CCDC60: variants seen among roughly 807,000 people sequenced by gnomAD.
The protein encoded by CCDC60 is coiled-coil domain-containing protein 60.
Under a neutral mutation model 63.5 loss-of-function variants are expected in CCDC60, and 54 were observed. The observed-to-expected ratio is 0.85, with a 90% CI of 0.68 to 1.07. The LOEUF is 1.07. CCDC60 is among the 50% of genes least tolerant of loss of function. The pLI, the probability that CCDC60 is intolerant of heterozygous loss-of-function variation, is 0.00. For missense variants in CCDC60, 651 were observed against 684.3 expected, an observed-to-expected ratio of 0.95 and a Z score of 0.54; for synonymous variants, 206 against 238.8, an observed-to-expected ratio of 0.86 and a Z score of 1.27.
chr12:119,377,412 T>C (rs1239940315), intron 1 of CCDC60, among the ~76,000 whole-genome samples: 1 of 152,176 alleles, frequency 6.6e-6, no homozygotes, highest in Non-Finnish European at 1.5e-5. Context: ...TAATCAGTTC[T>C]GTTTTCTTTT....
intron 1 of CCDC60, among the ~76,000 whole-genome samples, chr12:119,395,041 A>G (rs996718341): frequency 6.6e-6 from 1 of 152,224 alleles, no homozygotes; most frequent in Non-Finnish European, 1.5e-5. Flanking sequence ...CAAGTGAGAG[A>G]AGAGAGAAAC....
intron 5 of CCDC60, 30 bp from the exon 6 acceptor site, chr12:119,500,048 G>A (rs1189226539): frequency 6.1e-6 from 9 of 1,465,794 alleles, no homozygotes; most frequent in South Asian, 3.4e-5. Flanking sequence ...CTCTGGAAAC[G>A]GAAAACTCAT....
chr12:119,351,750 G>A (rs1044775080), intron 1 of CCDC60, among the ~76,000 whole-genome samples: 1 of 152,192 alleles, frequency 6.6e-6, no homozygotes, highest in African/African-American at 2.4e-5. Flanking sequence ...GACCACCTCA[G>A]CCTGGACTTC....
At chr12:119,399,807 C>T (rs868707057) in intron 1 of CCDC60, among the ~76,000 whole-genome samples, 1 of 152,142 alleles carries the variant, frequency 6.6e-6, no homozygotes, top group African/African-American at 2.4e-5. Context: ...TTCAGTGTGG[C>T]CAGAGTAGGA....
At chr12:119,401,071 C>A (rs991350184) in intron 1 of CCDC60, among the ~76,000 whole-genome samples, 1 of 152,194 alleles carries the variant, frequency 6.6e-6, no homozygotes, top group Non-Finnish European at 1.5e-5. Flanking sequence ...TATGTGTAAG[C>A]AACAGTGAGT....
At chr12:119,369,749 G>A (rs906508310) in intron 1 of CCDC60, among the ~76,000 whole-genome samples, 2 of 152,126 alleles carry the variant, frequency 1.3e-5, no homozygotes, top group African/African-American at 2.4e-5. Flanking sequence ...GCAGCATCCC[G>A]TATGTTGTGT....
At chr12:119,507,604 A>ATTTTTTT (rs1566050749) in intron 7 of CCDC60, among the ~76,000 whole-genome samples, 1 of 25,192 alleles carries the variant, frequency 4.0e-5, no homozygotes, top group African/African-American at 2.4e-4. Flanking sequence ...ATATATATAT[A>ATTTTTTT]TATATATATA....
chr12:119,373,123 C>T (rs1235894273), intron 1 of CCDC60, among the ~76,000 whole-genome samples: 1 of 152,118 alleles, frequency 6.6e-6, no homozygotes, highest in East Asian at 1.9e-4. Context: ...TGGGTGGCGT[C>T]TCCTTTACAA....
chr12:119,457,589 C>T (rs192057768), intron 2 of CCDC60, among the ~76,000 whole-genome samples: 9 of 152,302 alleles, frequency 5.9e-5, no homozygotes, highest in African/African-American at 9.6e-5. Context: ...CTTTTGTGTA[C>T]GTAGTTGACC....
At position 119,456,104 on chromosome 12, in the gene CCDC60, A is replaced by G. The variant is rs2136294490; in HGVS notation, c.171-15890A>G. Among the ~76,000 whole-genome samples the G allele has an allele frequency of 6.6e-6, 1 of 152,100 alleles. No homozygotes were observed. Among genetic ancestry groups the G allele is most frequent in the Non-Finnish European group, 1.5e-5 (1 of 67,958 alleles). Reference sequence around the variant, plus strand: ...AATTTCAAGGGGGTAGAGAGATGCAAAGGAATGGCAGGGTGAATGGTTAGA... The same window carrying G: ...AATTTCAAGGGGGTAGAGAGATGCAGAGGAATGGCAGGGTGAATGGTTAGA... On this transcript the variant is annotated intron_variant, in intron 2 of 13. Coordinates refer to ENST00000327554, the MANE Select transcript of CCDC60 (RefSeq NM_178499.5). The surrounding 1 kb of genome is among the most constrained non-coding windows in gnomAD (Gnocchi z 4.6).
intron 2 of CCDC60, among the ~76,000 whole-genome samples, chr12:119,435,962 A>G (rs1950316798): frequency 6.6e-6 from 1 of 152,222 alleles, no homozygotes; most frequent in Non-Finnish European, 1.5e-5. Flanking sequence ...GGGCAGAACA[A>G]CATGGTCTCT....
At position 119,505,316 on chromosome 12, in the gene CCDC60, T is replaced by G. The variant is rs201151039; in HGVS notation, c.883+13T>G. 126 of 1,565,250 alleles carry G rather than the reference T, an allele frequency of 8.0e-5. No individual in the cohort carries two copies. The African/African-American group carries it at 1.4e-3, about 17-fold the overall frequency. On this transcript the variant is annotated intron_variant, in intron 7 of 13. Transcript: ENST00000327554. ...CCTCTGTATATGAGTAAGTCCTACC[T>G]GAGATCTGACTCATCTACCCTGACC... is the stretch of plus-strand genomic sequence containing the variant.
intron 2 of CCDC60, among the ~76,000 whole-genome samples, chr12:119,431,737 GGC>G (rs1950232609): frequency 6.6e-6 from 1 of 152,164 alleles, no homozygotes; most frequent in Non-Finnish European, 1.5e-5. Flanking sequence ...GGCGTGCAGT[GGC>G]ACAGTCTCAG....
chr12:119,413,334 G>T (rs907840403), intron 1 of CCDC60, among the ~76,000 whole-genome samples: 6 of 152,126 alleles, frequency 3.9e-5, no homozygotes, highest in Admixed American at 2.0e-4. Flanking sequence ...AAGAAACCAG[G>T]ACTTGATTGA....
At chr12:119,469,201 C>G (rs1310889277) in intron 2 of CCDC60, among the ~76,000 whole-genome samples, 1 of 152,126 alleles carries the variant, frequency 6.6e-6, no homozygotes, top group Non-Finnish European at 1.5e-5. Flanking sequence ...GATTTCTTCC[C>G]AGCTGCAGAC....
intron 3 of CCDC60, among the ~76,000 whole-genome samples, chr12:119,474,138 G>A (rs530473554): frequency 2.9e-4 from 44 of 152,270 alleles, no homozygotes; most frequent in South Asian, 4.1e-4. Context: ...AAACCACAAC[G>A]CAATACCACC....
At chr12:119,524,721 C>CTTTTTTTTTTTTTCTTTTTTTTT (rs1952636738) in intron 11 of CCDC60, among the ~76,000 whole-genome samples, 1 of 99,050 alleles carries the variant, frequency 1.0e-5, no homozygotes, top group African/African-American at 4.7e-5. Context: ...CTTTTCTTTT[C>CTTTTTTTTTTTTTCTTTTTTTTT]TTTTTTTTTT....
At chr12:119,363,936 A>T (rs1261755848) in intron 1 of CCDC60, among the ~76,000 whole-genome samples, 1 of 151,996 alleles carries the variant, frequency 6.6e-6, no homozygotes, top group African/African-American at 2.4e-5. Context: ...CTGTTGTTTT[A>T]TGTCTTTCAT....
chr12:119,342,758 C>T (rs1955545622), intron 1 of CCDC60, among the ~76,000 whole-genome samples: 1 of 152,156 alleles, frequency 6.6e-6, no homozygotes, highest in Admixed American at 6.5e-5. Context: ...TAAAGAAAAT[C>T]AAATGAGACA....
Sources: gnomAD v4.1 joint callset for allele counts (sites outside exome capture counted in the v4.1 genomes callset) on GRCh38, gnomAD v4.1.1 for gene constraint, Gnocchi (gnomAD v3.1) non-coding constraint, MANE v1.5 for transcripts, NCBI Gene and HGNC (gene_info 2026-07-23, HGNC 2026-07-21) for gene names.